The following DEPTOR variants were observed in gnomAD, a reference collection of about 807,000 sequenced individuals.
DEPTOR encodes the protein DEP domain containing MTOR interacting protein.
A neutral mutation model predicts 41.6 loss-of-function variants in DEPTOR; 41 were observed. That is an observed-to-expected ratio of 0.98 (90% confidence interval 0.77 to 1.28). The LOEUF is 1.28. Ranked by LOEUF, DEPTOR falls within the 50% of genes most tolerant of loss-of-function variation. The probability of loss-of-function intolerance (pLI) is 0.00; values close to 1 mark genes in which losing one functional copy is unlikely to be tolerated. For synonymous variants in DEPTOR, 195 were observed against 192.3 expected, an observed-to-expected ratio of 1.01 and a Z score of -0.12; for missense variants, 514 against 527.9, an observed-to-expected ratio of 0.97 and a Z score of 0.26.
chr8:119,995,801 ATACT>A (rs2130064955), intron 4 of DEPTOR, among the ~76,000 whole-genome samples: 1 of 152,250 alleles, frequency 6.6e-6, no homozygotes, highest in South Asian at 2.1e-4. Context: ...ATGGAGTATG[ATACT>A]TAGTAGGTGC....
intron 6 of DEPTOR, among the ~76,000 whole-genome samples, chr8:120,004,327 G>A (rs999786086): frequency 6.6e-6 from 1 of 152,136 alleles, no homozygotes; most frequent in Admixed American, 6.5e-5. Context: ...GAAGAAGCTT[G>A]CTTCCATACT....
At chr8:119,874,203 C>T (rs1827203282) in intron 1 of DEPTOR, 1 of 587,976 alleles carries the variant, frequency 1.7e-6, no homozygotes. Context: ...GCGGGTGGTG[C>T]GCGCTGCGCC....
chr8:119,889,713 C>G (rs28669275), intron 1 of DEPTOR, among the ~76,000 whole-genome samples: 68,555 of 136,600 alleles, frequency 0.5, 18,462 homozygotes, highest in East Asian at 0.91. Flanking sequence ...GAAGGGAAAG[C>G]AGTGCAGGGC....
At chr8:119,905,633 T>G (rs1827652422) in intron 1 of DEPTOR, among the ~76,000 whole-genome samples, 2 of 5,562 alleles carry the variant, frequency 3.6e-4, no homozygotes, top group African/African-American at 4.2e-3. Flanking sequence ...TTATATGGGC[T>G]TTTTTTTTTT....
At chr8:119,941,999 G>A (rs1279114191) in intron 3 of DEPTOR, among the ~76,000 whole-genome samples, 1 of 152,156 alleles carries the variant, frequency 6.6e-6, no homozygotes, top group East Asian at 1.9e-4. Flanking sequence ...AACTTTTTGG[G>A]TCTAGTTTTG....
chr8:119,906,771 T>C (rs1336351461), intron 1 of DEPTOR, among the ~76,000 whole-genome samples: 1 of 152,180 alleles, frequency 6.6e-6, no homozygotes, highest in Non-Finnish European at 1.5e-5. Flanking sequence ...TTCCCAGAGC[T>C]CTATGCAGGA....
intron 4 of DEPTOR, among the ~76,000 whole-genome samples, chr8:119,976,622 G>A (rs1024645522): frequency 5.9e-5 from 9 of 152,250 alleles, no homozygotes; most frequent in African/African-American, 1.9e-4. Flanking sequence ...GCAACTCTGG[G>A]GATCCAGGAA....
chr8:120,031,988 T>G (rs1812898760), intron 8 of DEPTOR, among the ~76,000 whole-genome samples: 2 of 152,100 alleles, frequency 1.3e-5, no homozygotes, highest in African/African-American at 4.8e-5. Context: ...GCAGTTGGGA[T>G]GAAGAGCTGG....
At chr8:119,948,454 A>C (rs1166015981) in intron 3 of DEPTOR, among the ~76,000 whole-genome samples, 2 of 152,124 alleles carry the variant, frequency 1.3e-5, no homozygotes, top group East Asian at 3.9e-4. Flanking sequence ...AAAAATAAGA[A>C]TTAAAAAATA....
Position 120,003,042 on chromosome 8 carries a change from A to G in DEPTOR, c.856A>G (p.Ser286Gly), listed in dbSNP as rs1316509808. The G allele has an allele frequency of 1.9e-6, 3 of 1,610,258 alleles. No individual in the cohort carries two copies. In the African/African-American group the frequency reaches 4.0e-5, roughly 22 times the overall value. ...VRRSSMSSCG[S>G]SGYFSSSPTL... ...GAGAAGCAGCATGAGCAGCTGTGGC[A>G]GCAGCGGCTACTTCAGCAGCAGCCC... Residue 286 changes from serine (S) to glycine (G), a missense_variant, in exon 6 of 9, where the codon AGC becomes GGC. By Grantham distance (56) the Ser-to-Gly change is moderately conservative. Transcript: ENST00000286234.
At chr8:119,948,989 G>A (rs1828318210) in intron 3 of DEPTOR, among the ~76,000 whole-genome samples, 1 of 152,114 alleles carries the variant, frequency 6.6e-6, no homozygotes, top group Non-Finnish European at 1.5e-5. Context: ...GTTTCACCAT[G>A]TTGCCCAGGC....
intron 3 of DEPTOR, among the ~76,000 whole-genome samples, 159 bp from the exon 4 acceptor site, chr8:119,965,073 C>T (rs1828539684): frequency 6.6e-6 from 1 of 152,034 alleles, no homozygotes; most frequent in South Asian, 2.1e-4. Flanking sequence ...AAATCTGTCT[C>T]AAAGAAAGAA....
intron 3 of DEPTOR, among the ~76,000 whole-genome samples, chr8:119,940,671 G>A (rs1475732746): frequency 6.6e-6 from 1 of 151,828 alleles, no homozygotes; most frequent in African/African-American, 2.4e-5. Flanking sequence ...ACTTGAACCC[G>A]GGAGGTTGCA....
At chr8:119,880,262 G>A (rs1285145501) in intron 1 of DEPTOR, among the ~76,000 whole-genome samples, 3 of 151,924 alleles carry the variant, frequency 2.0e-5, no homozygotes, top group Non-Finnish European at 4.4e-5. Flanking sequence ...CACTTACATG[G>A]CACCTATTAC....
chr8:119,965,654 G>A (rs530697435), intron 4 of DEPTOR, among the ~76,000 whole-genome samples: 78 of 152,292 alleles, frequency 5.1e-4, no homozygotes, highest in African/African-American at 1.8e-3. Context: ...AATTATTGCA[G>A]ATGCTAAAGA....
chr8:119,890,464 A>C (rs918138781), intron 1 of DEPTOR, among the ~76,000 whole-genome samples: 1 of 151,902 alleles, frequency 6.6e-6, no homozygotes, highest in Non-Finnish European at 1.5e-5. Context: ...CACCATGCCC[A>C]GCTAATTTTT....
At chr8:120,007,433 C>T (rs191472113) in intron 7 of DEPTOR, among the ~76,000 whole-genome samples, 41 of 152,224 alleles carry the variant, frequency 2.7e-4, no homozygotes, top group African/African-American at 8.7e-4. Context: ...GAGCCTCTGA[C>T]TTGCTGTGAG....
chr8:119,969,378 G>C, intron 4 of DEPTOR, among the ~76,000 whole-genome samples: 1 of 149,630 alleles, frequency 6.7e-6, no homozygotes, highest in Non-Finnish European at 1.5e-5. Flanking sequence ...TTTTGAGATG[G>C]AGTTTTGCTC....
intron 4 of DEPTOR, among the ~76,000 whole-genome samples, chr8:119,983,382 T>C (rs547072116): frequency 7.2e-5 from 11 of 152,142 alleles, no homozygotes; most frequent in African/African-American, 2.6e-4. Context: ...CTAATTTTTG[T>C]ATTTATTTAC....
Sources: allele counts gnomAD v4.1 joint callset (sites outside exome capture counted in the v4.1 genomes callset), GRCh38; gene constraint gnomAD v4.1.1; transcripts MANE v1.5; gene names NCBI Gene and HGNC (gene_info 2026-07-23, HGNC 2026-07-21).